CFAP251: variants seen among roughly 807,000 people sequenced by gnomAD.
CFAP251 encodes the protein cilia- and flagella-associated protein 251.
Under a neutral mutation model 126.7 loss-of-function variants are expected in CFAP251, and 93 were observed. The ratio of observed to expected loss-of-function variants is 0.73; its 90% confidence interval spans 0.62 to 0.87. The LOEUF (loss-of-function observed/expected upper bound fraction) is 0.87, where lower values mean the gene tolerates loss of function less well. Ranked by LOEUF, CFAP251 falls within the 40% of genes least tolerant of loss-of-function variation. The pLI is 0.00. For missense variants in CFAP251, 1,287 were observed against 1,389.2 expected (o/e 0.93, Z 1.17); for synonymous variants, 503 against 506.9 (o/e 0.99, Z 0.10).
intron 1 of CFAP251, among the ~76,000 whole-genome samples, chr12:121,920,549 G>A (rs1368166800): frequency 2.0e-5 from 3 of 151,172 alleles, no homozygotes; most frequent in East Asian, 2.0e-4. Context: ...GGCGCCCACC[G>A]CCAAGCCCGG....
intron 19 of CFAP251, among the ~76,000 whole-genome samples, chr12:121,987,426 C>T (rs532792179): frequency 8.6e-5 from 13 of 151,884 alleles, no homozygotes; most frequent in Admixed American, 1.3e-4. Context: ...AGAATGCAGG[C>T]GATAGAGTCC....
chr12:121,990,353 G>A (rs77526397), intron 19 of CFAP251, among the ~76,000 whole-genome samples: 90 of 152,328 alleles, frequency 5.9e-4, no homozygotes, highest in Admixed American at 9.8e-4. Context: ...CAGGGGCACA[G>A]GTTGGCCTCA....
In CFAP251 at chr12:121,930,630, T is replaced by C. The variant is rs78127063; in HGVS notation, c.748-1116T>C. On this transcript the variant is annotated intron_variant, in intron 3 of 21. Transcript: ENST00000288912. ...CATAAAATTTTAATTTTGGGTTTAT[T>C]CCAGGCAATACAGAATTTTTAATTC... 1.3e-3 allele frequency among the ~76,000 whole-genome samples: 197 copies of C among 152,356 alleles called. 5 individuals are homozygous for C. In the East Asian group the frequency reaches 0.036, roughly 28 times the overall value.
intron 19 of CFAP251, among the ~76,000 whole-genome samples, chr12:121,988,778 CT>C (rs1300996269): frequency 6.8e-6 from 1 of 146,064 alleles, no homozygotes; most frequent in African/African-American, 2.6e-5. Context: ...AAATCTCCCT[CT>C]GGCTGGAGTG....
At chr12:121,971,932 A>T (rs1023997561) in intron 17 of CFAP251, 1 of 293,854 alleles carries the variant, frequency 3.4e-6, no homozygotes, top group African/African-American at 2.2e-5. Context: ...TGATGGTTTG[A>T]TAAGGGGAAA....
intron 3 of CFAP251, among the ~76,000 whole-genome samples, chr12:121,925,843 T>C (rs1381244049): frequency 6.6e-6 from 1 of 151,988 alleles, no homozygotes; most frequent in Non-Finnish European, 1.5e-5. Context: ...CTTTAGCTTT[T>C]ATTTATTTAT....
intron 19 of CFAP251, chr12:121,997,173 G>C (rs1033223043): frequency 1.3e-5 from 2 of 152,280 alleles, no homozygotes; most frequent in Admixed American, 1.3e-4. Context: ...TCAGTAGCCA[G>C]TACATGGGGC....
chr12:121,999,676 A>G (rs757905709), intron 19 of CFAP251, 40 bp from the exon 20 acceptor site: 8 of 1,512,688 alleles, frequency 5.3e-6, no homozygotes, highest in African/African-American at 4.2e-5. Flanking sequence ...TGCCTTTTCT[A>G]TTTACTGTGG....
intron 9 of CFAP251, among the ~76,000 whole-genome samples, chr12:121,952,240 TAAAAAAAAAAAAAAAAAA>T (rs558861973): frequency 2.2e-5 from 2 of 92,100 alleles, no homozygotes; most frequent in Non-Finnish European, 3.7e-5. Context: ...TCGTTTCTAC[TAAAAAAAAAAAAAAAAAA>T]AAAAAAAAAA....
chr12:121,945,067 G>A (rs1360475485), intron 7 of CFAP251, among the ~76,000 whole-genome samples: 1 of 152,180 alleles, frequency 6.6e-6, no homozygotes, highest in Non-Finnish European at 1.5e-5. Context: ...ACAGGCGTGA[G>A]CCACCACACC....
At chr12:121,923,470 T>G in intron 2 of CFAP251, 152 bp from the exon 3 acceptor site, 2 of 1,076,014 alleles carry the variant, frequency 1.9e-6, no homozygotes, top group South Asian at 3.4e-5. Context: ...TGTTTTGTTT[T>G]TTAAGTACAA....
rs1342035056 is a variant in CFAP251 at position 121,999,868 on chromosome 12, G to A, written c.3159G>A (p.Glu1053=). 2 of 1,614,176 alleles carry A rather than the reference G, an allele frequency of 1.2e-6. No individual in the cohort carries two copies. Among genetic ancestry groups the A allele is most frequent in the South Asian group, 2.2e-5 (2 of 91,074 alleles). The change falls in exon 20 of 22, where the codon GAG becomes GAA. Residue 1053 remains glutamate (E), a synonymous_variant. Transcript: ENST00000288912. ...NTMSGIHKSF[E]VLGYTNSKGK... is the part of the protein sequence containing the mutation. ...TGAGTGGCATCCACAAGAGCTTTGA[G>A]GTGCTCGGTTATACCAACTCCAAAG... is the stretch of plus-strand genomic sequence containing the variant.
rs1410232532 is a variant in CFAP251, at chr12:121,994,029, G to T, written c.3007-5687G>T. Among the ~76,000 whole-genome samples the T allele has an allele frequency of 6.0e-4, 59 of 98,000 alleles. 4 individuals are homozygous for T. Among genetic ancestry groups the T allele is most frequent in the African/African-American group, 2.1e-3 (59 of 28,214 alleles). The allele number at this position is 98,000 out of a possible 152,430, so 64.3% of individuals were successfully genotyped here. On this transcript the variant is annotated intron_variant, in intron 19 of 21. Transcript: ENST00000288912. ...CCCGTCCGGGAGGGAGGTGGGGGGGGGGTCAGCCCCCCCGCCTGGCCAGCC... is the reference window on the plus strand; with the variant it reads ...CCCGTCCGGGAGGGAGGTGGGGGGGTGGTCAGCCCCCCCGCCTGGCCAGCC...
intron 7 of CFAP251, among the ~76,000 whole-genome samples, chr12:121,947,473 T>C (rs552444287): frequency 1.8e-4 from 28 of 152,258 alleles, no homozygotes; most frequent in African/African-American, 6.3e-4. Context: ...TCTTTTCTTT[T>C]CTTTTTTTTG....
intron 3 of CFAP251, among the ~76,000 whole-genome samples, chr12:121,928,658 G>GTGTATATATATATATA (rs1880534186): frequency 3.7e-5 from 1 of 26,720 alleles, no homozygotes; most frequent in African/African-American, 5.8e-5. Context: ...ATATATATAC[G>GTGTATATATATATATA]TATATATATA....
chr12:121,954,655 A>AAAAAC (rs1881659426), intron 10 of CFAP251, among the ~76,000 whole-genome samples: 1 of 149,500 alleles, frequency 6.7e-6, no homozygotes, highest in Non-Finnish European at 1.5e-5. Flanking sequence ...AAAAAAAAAA[A>AAAAAC]AAAAAAAAAA....
chr12:121,975,122 A>C, intron 17 of CFAP251, 122 bp from the exon 18 acceptor site: 1 of 722,958 alleles, frequency 1.4e-6, no homozygotes, highest in Non-Finnish European at 2.4e-6. Flanking sequence ...AAGTGTGTAG[A>C]GACCCTAACT....
At chr12:121,977,632 C>T (rs569334590) in intron 19 of CFAP251, among the ~76,000 whole-genome samples, 18 of 151,800 alleles carry the variant, frequency 1.2e-4, no homozygotes, top group African/African-American at 4.3e-4. Context: ...AGCACTCCAG[C>T]CTGGGCGACA....
At chr12:121,973,195 A>G (rs11043277) in intron 17 of CFAP251, among the ~76,000 whole-genome samples, 12,360 of 152,288 alleles carry the variant, frequency 0.081, 965 homozygotes, top group African/African-American at 0.2. Flanking sequence ...CATAGAGCTC[A>G]GGCTGTGGCT....
Sources: gnomAD v4.1 joint callset for allele counts (sites outside exome capture counted in the v4.1 genomes callset) on GRCh38, gnomAD v4.1.1 for gene constraint, MANE v1.5 for transcripts, NCBI Gene and HGNC (gene_info 2026-07-23, HGNC 2026-07-21) for gene names.